RERG: variants seen among roughly 807,000 people sequenced by gnomAD.
The protein encoded by RERG is ras-related and estrogen-regulated growth inhibitor.
RERG carries 25 observed loss-of-function variants against 23.2 expected under a neutral mutation model. That is an observed-to-expected ratio of 1.08 (90% CI 0.79 to 1.50). The LOEUF (loss-of-function observed/expected upper bound fraction) is 1.50. RERG is among the 40% of genes most tolerant of loss of function. The probability of loss-of-function intolerance (pLI) is 0.00; values close to 1 mark genes in which losing one functional copy is unlikely to be tolerated. For missense variants in RERG, 253 were observed against 250.1 expected, an observed-to-expected ratio of 1.01 and a Z score of -0.08; for synonymous variants, 81 against 89.1, an observed-to-expected ratio of 0.91 and a Z score of 0.51.
At chr12:15,192,154 C>T (rs560262490) in intron 2 of RERG, among the ~76,000 whole-genome samples, 11 of 152,196 alleles carry the variant, frequency 7.2e-5, no homozygotes, top group African/African-American at 1.9e-4. Context: ...GCTGGCCTCG[C>T]GATAGTAAGT....
intron 2 of RERG, among the ~76,000 whole-genome samples, chr12:15,167,482 G>T (rs1338794658): frequency 6.6e-6 from 1 of 152,152 alleles, no homozygotes; most frequent in East Asian, 1.9e-4. Flanking sequence ...CTAGGGTGGG[G>T]CATGGGTAAC....
At chr12:15,207,831 T>C (rs1865313376) in intron 2 of RERG, among the ~76,000 whole-genome samples, 1 of 152,156 alleles carries the variant, frequency 6.6e-6, no homozygotes, top group African/African-American at 2.4e-5. Context: ...TATCATGCTC[T>C]ACGTGACACT....
chr12:15,169,438 T>C (rs1318470811), intron 2 of RERG, among the ~76,000 whole-genome samples: 4 of 152,210 alleles, frequency 2.6e-5, no homozygotes, highest in Non-Finnish European at 5.9e-5. Flanking sequence ...AGGGAGAATT[T>C]GTCCCCTCTG....
chr12:15,213,208 C>T (rs1330434550), intron 2 of RERG, among the ~76,000 whole-genome samples: 1 of 152,226 alleles, frequency 6.6e-6, no homozygotes, highest in Non-Finnish European at 1.5e-5. Context: ...TTTACAATTT[C>T]AGTTGTTTCT....
At chr12:15,132,875 C>A (rs937243305) in intron 2 of RERG, among the ~76,000 whole-genome samples, 2 of 151,346 alleles carry the variant, frequency 1.3e-5, no homozygotes, top group Non-Finnish European at 2.9e-5. Context: ...GATCTTTGGC[C>A]CATATTTTAT....
intron 3 of RERG, 58 bp downstream of exon 3, chr12:15,121,005 C>G: frequency 8.2e-7 from 1 of 1,225,742 alleles, no homozygotes; most frequent in South Asian, 1.2e-5. Context: ...AAACATTATT[C>G]TTTCTTTGGG....
chr12:15,201,527 C>T (rs1231234390), intron 2 of RERG, among the ~76,000 whole-genome samples: 1 of 150,480 alleles, frequency 6.6e-6, no homozygotes, highest in Admixed American at 6.7e-5. Context: ...ATGCTAATAT[C>T]ATTACCTAAT....
At chr12:15,121,199 T>G in intron 2 of RERG, 80 bp from the exon 3 acceptor site, 2 of 993,464 alleles carry the variant, frequency 2.0e-6, no homozygotes, top group Non-Finnish European at 3.2e-6. Flanking sequence ...GAAAGCGAAA[T>G]GCTCCACACA....
chr12:15,124,825 CCAGGA>C (rs1016708687), intron 2 of RERG, among the ~76,000 whole-genome samples: 80 of 151,672 alleles, frequency 5.3e-4, no homozygotes, highest in African/African-American at 1.6e-3. Context: ...TTTAAAATGG[CCAGGA>C]CAGATTTTTT....
chr12:15,119,686 C>T (rs1863796932), intron 3 of RERG, among the ~76,000 whole-genome samples: 1 of 151,966 alleles, frequency 6.6e-6, no homozygotes, highest in South Asian at 2.1e-4. Flanking sequence ...GATGTGAAAA[C>T]TCTGACCTAT....
chr12:15,130,801 A>G (rs1864032679), intron 2 of RERG, among the ~76,000 whole-genome samples: 2 of 152,214 alleles, frequency 1.3e-5, no homozygotes, highest in South Asian at 4.1e-4. Context: ...TTCTCTGTAC[A>G]AATCATTTTT....
intron 2 of RERG, among the ~76,000 whole-genome samples, chr12:15,156,033 C>T (rs1197594226): frequency 6.7e-6 from 1 of 150,182 alleles, no homozygotes; most frequent in East Asian, 1.9e-4. Flanking sequence ...TATTGATATA[C>T]TGTTAGAAAA....
intron 2 of RERG, among the ~76,000 whole-genome samples, chr12:15,214,833 G>T (rs1174227179): frequency 6.6e-6 from 1 of 152,096 alleles, no homozygotes; most frequent in Non-Finnish European, 1.5e-5. Flanking sequence ...AGCGACAGAG[G>T]GAGACCCAGT....
intron 2 of RERG, among the ~76,000 whole-genome samples, chr12:15,161,209 A>AGAAAGAAAGAAAGAAG (rs1864608073): frequency 1.4e-5 from 2 of 142,932 alleles, no homozygotes; most frequent in South Asian, 2.3e-4. Flanking sequence ...AAAGAAAGAA[A>AGAAAGAAAGAAAGAAG]GAAAGAAAGA....
At chr12:15,211,347 C>T (rs1865363963) in intron 2 of RERG, among the ~76,000 whole-genome samples, 1 of 150,382 alleles carries the variant, frequency 6.6e-6, no homozygotes, top group South Asian at 2.1e-4. Flanking sequence ...GCTATTCGGC[C>T]TTAAAAAGGC....
chr12:15,121,251 TA>T (rs1179626598), intron 2 of RERG, 132 bp from the exon 3 acceptor site: 2 of 646,752 alleles, frequency 3.1e-6, no homozygotes, highest in African/African-American at 1.8e-5. Flanking sequence ...ATAAAACAAA[TA>T]AATTTTTTTA....
Position 15,201,267 on chromosome 12 carries a change from A to G in RERG, c.61+16162T>C, listed in dbSNP as rs116249775. Reference sequence around the variant, plus strand: ...AGAAAATATTTGTCGAGTGTCTACAATGTACTTGGCATTTTGTTAGAAATT... The same window carrying G: ...AGAAAATATTTGTCGAGTGTCTACAGTGTACTTGGCATTTTGTTAGAAATT... On this transcript the variant is annotated intron_variant, in intron 2 of 4. Coordinates refer to ENST00000256953, the MANE Select transcript of RERG (RefSeq NM_032918.3). Among the ~76,000 whole-genome samples the G allele has an allele frequency of 3.4e-3, 511 of 151,956 alleles. 1 individual carries two copies. The highest frequency in any genetic ancestry group is 0.012 in the African/African-American group (484 of 41,534).
At chr12:15,177,350 G>C (rs1864864631) in intron 2 of RERG, among the ~76,000 whole-genome samples, 1 of 152,206 alleles carries the variant, frequency 6.6e-6, no homozygotes, top group Non-Finnish European at 1.5e-5. Flanking sequence ...CTACATGGGA[G>C]GGTGAGGCAG....
intron 4 of RERG, among the ~76,000 whole-genome samples, chr12:15,109,975 GTTGT>G (rs1863575284): frequency 6.6e-6 from 1 of 151,862 alleles, no homozygotes. Context: ...TTTTTGGTTT[GTTGT>G]TTGTTTTAAT....
Sources: allele counts gnomAD v4.1 joint callset (sites outside exome capture counted in the v4.1 genomes callset), GRCh38; gene constraint gnomAD v4.1.1; transcripts MANE v1.5; gene names NCBI Gene and HGNC (gene_info 2026-07-23, HGNC 2026-07-21).